The following COL1A1 variants were observed in gnomAD, a reference collection of about 807,000 sequenced individuals.
COL1A1 encodes the protein collagen type I alpha 1 chain.
In COL1A1, 21 loss-of-function variants were observed where a neutral mutation model predicts 195.7. That is an observed-to-expected ratio of 0.11 (90% CI 0.08 to 0.15). COL1A1 has a LOEUF of 0.15. Among genes scored for constraint, COL1A1 ranks in the 10% least tolerant of loss-of-function variants. COL1A1 has a pLI of 1.00. For missense variants in COL1A1, 1,365 were observed against 2,051.0 expected (o/e 0.67, Z 6.46); for synonymous variants, 749 against 747.3 (o/e 1.00, Z -0.04).
Position 50,192,812 on chromosome 17 carries a change from T to C in COL1A1, c.1860A>G (p.Gly620=), listed in dbSNP as rs1907212512. 3 of 1,613,528 alleles carry C rather than the reference T, an allele frequency of 1.9e-6. No individual in the cohort carries two copies. The highest frequency in any genetic ancestry group is 1.3e-5 in the African/African-American group (1 of 74,716). ...AGKDGEAGAQ[G]PPGPAGPAGE... Reference sequence around the variant, plus strand: ...GGACACTCACAGCAGGGCCAGGGGGTCCCTGAGCTCCAGCCTCTCCATCTT... The same window carrying C: ...GGACACTCACAGCAGGGCCAGGGGGCCCCTGAGCTCCAGCCTCTCCATCTT... Residue 620 remains glycine (G), a synonymous_variant, in exon 27 of 51, where the codon GGA becomes GGG. Coordinates refer to ENST00000225964, the MANE Select transcript of COL1A1 (RefSeq NM_000088.4).
chr17:50,200,333 G>A (rs1567765381), intron 1 of COL1A1: 1 of 359,952 alleles, frequency 2.8e-6, no homozygotes, highest in African/African-American at 2.1e-5. Context: ...TTGCGTGGTA[G>A]AGACAGGAGG....
At position 50,185,142 on chromosome 17, in the gene COL1A1, C is replaced by T; in HGVS notation, c.*360G>A. On this transcript the variant is annotated 3_prime_UTR_variant, in exon 51 of 51. Coordinates refer to ENST00000225964, the MANE Select transcript of COL1A1 (RefSeq NM_000088.4). Reference sequence around the variant, plus strand: ...CCCAAGGGGGGTGTGGAGAAAGGAGCAGAAAGGGCAGCATTGGGGTTTCAT... The same window carrying T: ...CCCAAGGGGGGTGTGGAGAAAGGAGTAGAAAGGGCAGCATTGGGGTTTCAT... 3 of 314,510 alleles carry T rather than the reference C, an allele frequency of 9.5e-6. No homozygotes were observed. The highest frequency in any genetic ancestry group is 1.8e-5 in the Non-Finnish European group (3 of 168,394). 19.5% of individuals were successfully genotyped at this position (314,510 alleles called of 1,614,324 possible).
rs1907600970 is a variant in COL1A1, at chr17:50,196,475, C to T, written c.903+9G>A. ...CCCATCCCTGCCCTCTGGAACTGGGCACACTCACCATCTGACCAGGAGCTC... is the reference window on the plus strand; with the variant it reads ...CCCATCCCTGCCCTCTGGAACTGGGTACACTCACCATCTGACCAGGAGCTC... On this transcript the variant is annotated intron_variant, in intron 13 of 50. Transcript: ENST00000225964. 3.1e-6 allele frequency: 5 copies of T among 1,614,088 alleles called. No individual in the cohort carries two copies. The African/African-American group carries it at 5.3e-5, about 17-fold the overall frequency.
rs2249492 is a variant in COL1A1 at position 50,185,660 on chromosome 17, C to T, written c.4249-12G>A. 962,395 of 1,612,456 alleles carry T rather than the reference C, an allele frequency of 0.6. 292,438 individuals are homozygous for T. The highest frequency in any genetic ancestry group is 0.67 in the Admixed American group (39,876 of 59,948). On this transcript the variant is annotated splice_polypyrimidine_tract_variant and intron_variant, in intron 50 of 50. Transcript: ENST00000225964. ...GCTCCGGTGTGACTCTGGGGTGGGGCGGAGACAACGGGAGGGGGCATTACC... is the reference window on the plus strand; with the variant it reads ...GCTCCGGTGTGACTCTGGGGTGGGGTGGAGACAACGGGAGGGGGCATTACC...
rs940298764 is a variant in COL1A1, at chr17:50,189,003, G to A, written c.2945C>T (p.Pro982Leu). 3.7e-6 allele frequency: 6 copies of A among 1,612,870 alleles called. No individual in the cohort carries two copies. The African/African-American group carries it at 8.0e-5, about 22-fold the overall frequency. The change falls in exon 41 of 51, where the codon CCT becomes CTT. Residue 982 changes from proline (P) to leucine (L), a missense_variant. Physicochemically the swap from Pro to Leu is moderately conservative, Grantham distance 98 (BLOSUM62 -3). Coordinates refer to ENST00000225964, the MANE Select transcript of COL1A1 (RefSeq NM_000088.4). This position sits in a 1 kb window ranked among gnomAD's most constrained non-coding sequence, Gnocchi z 5.5. ...TGCTCCAGAGGGACCTTGTTTGCCA[G>A]GTTCACCCTAAGGGAGAAGAAAGAG... is the stretch of plus-strand genomic sequence containing the variant. ...FPGLPGPSGE[P>L]GKQGPSGASG...
At chr17:50,201,025 C>T (rs1041794287) in intron 1 of COL1A1, among the ~76,000 whole-genome samples, 1 of 152,258 alleles carries the variant, frequency 6.6e-6, no homozygotes, top group Non-Finnish European at 1.5e-5. Flanking sequence ...GGCAATCTTT[C>T]CTTATGAATC....
At chr17:50,199,027 GA>G (rs906186472) in intron 5 of COL1A1, among the ~76,000 whole-genome samples, 198 bp downstream of exon 5, 12 of 150,874 alleles carry the variant, frequency 8.0e-5, no homozygotes, top group African/African-American at 2.4e-4. Flanking sequence ...AAACAGTTCA[GA>G]AAAAAAAAGA....
At position 50,193,351 on chromosome 17, in the gene COL1A1, G is replaced by T. The variant is rs190512816; in HGVS notation, c.1768-304C>A. ...CTCAAAGAATCCACCAAGACTGGGG[G>T]TGCCTATCATATCAAAGGCCTGTCC... On this transcript the variant is annotated intron_variant, in intron 25 of 50. Transcript: ENST00000225964. 2.4e-4 allele frequency: 121 copies of T among 510,340 alleles called. 1 individual carries two copies. The highest frequency in any genetic ancestry group is 2.0e-3 in the African/African-American group (104 of 52,280). 31.6% of individuals were successfully genotyped at this position (510,340 alleles called of 1,614,324 possible).
Position 50,190,452 on chromosome 17 carries a change from G to A in COL1A1, c.2398-72C>T. ...AGGCGGGGATGCGGTGAGGGGAGAG[G>A]CAAGGGGTGAAGGCACAGACAGGGC... On this transcript the variant is annotated intron_variant, in intron 34 of 50. Transcript: ENST00000225964. This position sits in a 1 kb window ranked among gnomAD's most constrained non-coding sequence, Gnocchi z 4.7. The A allele has an allele frequency of 1.3e-6, 2 of 1,578,120 alleles. No homozygotes were observed. Among genetic ancestry groups the A allele is most frequent in the East Asian group, 4.5e-5 (2 of 44,674 alleles).
Position 50,190,639 on chromosome 17 carries a change from G to T in COL1A1, c.2344-43C>A. 6.2e-7 allele frequency: 1 copy of T among 1,603,878 alleles called. No individual in the cohort carries two copies. Among genetic ancestry groups the T allele is most frequent in the South Asian group, 1.1e-5 (1 of 90,602 alleles). ...GAGGCTCAGGGTCAGGGCCTCCCCT[G>T]AATACTCCTAGTAGATGACCCCAGG... On this transcript the variant is annotated intron_variant, in intron 33 of 50. Transcript: ENST00000225964. The surrounding 1 kb of genome is among the most constrained non-coding windows in gnomAD (Gnocchi z 4.7).
In COL1A1 at chr17:50,186,109, C is replaced by T. The variant is rs1366729057; in HGVS notation, c.4006-89G>A. ...CTCCCTGTCCAGGGTCCTCAGAGAG[C>T]TGCCCAATGCACCGTTATATCGAGA... On this transcript the variant is annotated intron_variant, in intron 49 of 50. Transcript: ENST00000225964. The surrounding 1 kb of genome is among the most constrained non-coding windows in gnomAD (Gnocchi z 5.3). 1.3e-6 allele frequency: 2 copies of T among 1,580,228 alleles called. No homozygotes were observed. The highest frequency in any genetic ancestry group is 1.7e-6 in the Non-Finnish European group (2 of 1,166,178).
rs1358785186 is a variant in COL1A1, at chr17:50,192,481, A to G, written c.1977T>C (p.Gly659=). The G allele has an allele frequency of 6.2e-7, 1 of 1,611,646 alleles. No homozygotes were observed. The highest frequency in any genetic ancestry group is 2.2e-5 in the East Asian group (1 of 44,746). The change falls in exon 29 of 51, where the codon GGT becomes GGC. Residue 659 remains glycine, a synonymous_variant. Coordinates refer to ENST00000225964, the MANE Select transcript of COL1A1 (RefSeq NM_000088.4). ...GCCGGCTGCTCCCTCTTACCTGTTC[A>G]CCAGGTTTGCCTGCTTCACCTGGAG... ...AGPPGEAGKP[G]EQGVPGDLGA...
At position 50,185,790 on chromosome 17, in the gene COL1A1, G is replaced by A. The variant is rs532172482; in HGVS notation, c.4236C>T (p.Val1412=). ...TCTGGGCACTCACCGTGCAGCCATC[G>A]ACAGTGACGCTGTAGGTGAAGCGGC... The part of the protein sequence containing the change: ...GNSRFTYSVT[V]DGCTSHTGAW... Residue 1412 remains valine, a synonymous_variant, in exon 50 of 51, where the codon GTC becomes GTT. Coordinates refer to ENST00000225964, the MANE Select transcript of COL1A1 (RefSeq NM_000088.4). The A allele has an allele frequency of 1.4e-5, 22 of 1,613,784 alleles. No homozygotes were observed. The highest frequency in any genetic ancestry group is 3.3e-5 in the Admixed American group (2 of 60,022).
intron 28 of COL1A1, 32 bp from the exon 29 acceptor site, chr17:50,192,560 G>A (rs750742853): frequency 3.7e-6 from 6 of 1,614,108 alleles, no homozygotes; most frequent in East Asian, 2.2e-5. Context: ...AGAAGGGAGG[G>A]AAGGTTTAGA....
intron 2 of COL1A1, 23 bp downstream of exon 2, chr17:50,199,730 C>T (rs1907915819): frequency 1.0e-6 from 1 of 963,188 alleles, no homozygotes; most frequent in African/African-American, 1.5e-5. Flanking sequence ...GCCCCAGGCC[C>T]CAGGCCCCGA....
rs1275760430 is a variant in COL1A1, at chr17:50,192,777, T to C, written c.1875+20A>G. 1 of 1,613,828 alleles carries C rather than the reference T, an allele frequency of 6.2e-7. No homozygotes were observed. Among genetic ancestry groups the C allele is most frequent in the Non-Finnish European group, 8.5e-7 (1 of 1,179,956 alleles). On this transcript the variant is annotated intron_variant, in intron 27 of 50. Transcript: ENST00000225964. The stretch of plus-strand genomic sequence containing the variant: ...TCTCCCCTTTTCTGCTCCCCAGATC[T>C]CCCCATCAGGGACACTCACAGCAGG...
rs1037311790 is a variant in COL1A1, at chr17:50,190,704, T to C, written c.2344-108A>G. Reference sequence around the variant, plus strand: ...TTCTGGTCCCTCCAGGTTCCCAGGTTGACAGCTCAGTTTGGCAGGACCTGC... The same window carrying C: ...TTCTGGTCCCTCCAGGTTCCCAGGTCGACAGCTCAGTTTGGCAGGACCTGC... On this transcript the variant is annotated intron_variant, in intron 33 of 50. Coordinates refer to ENST00000225964, the MANE Select transcript of COL1A1 (RefSeq NM_000088.4). This position sits in a 1 kb window ranked among gnomAD's most constrained non-coding sequence, Gnocchi z 4.7. 1.3e-6 allele frequency: 2 copies of C among 1,502,472 alleles called. No homozygotes were observed. The highest frequency in any genetic ancestry group is 1.8e-6 in the Non-Finnish European group (2 of 1,084,214). The allele number at this position is 1,502,472 out of a possible 1,614,324, so 93.1% of individuals were successfully genotyped here. A position where few individuals can be genotyped will look rare whatever the true frequency, so the allele number is the denominator to read the frequency against.
Position 50,197,932 on chromosome 17 carries a change from G to T in COL1A1, c.642+17C>A. Reference sequence around the variant, plus strand: ...GTGTTTGTAGAAGGAGTATGAATCTGTATAGAGAGTGCTTACTGAAGCTCC... The same window carrying T: ...GTGTTTGTAGAAGGAGTATGAATCTTTATAGAGAGTGCTTACTGAAGCTCC... On this transcript the variant is annotated intron_variant, in intron 8 of 50. Coordinates refer to ENST00000225964, the MANE Select transcript of COL1A1 (RefSeq NM_000088.4). 6.2e-7 allele frequency: 1 copy of T among 1,613,538 alleles called. No homozygotes were observed. Among genetic ancestry groups the T allele is most frequent in the African/African-American group, 1.3e-5 (1 of 75,002 alleles).
rs747485519 is a variant in COL1A1, at chr17:50,186,623, C to A, written c.3814+17G>T. 6.2e-6 allele frequency: 10 copies of A among 1,613,200 alleles called. No individual in the cohort carries two copies. The highest frequency in any genetic ancestry group is 2.7e-5 in the African/African-American group (2 of 74,852). On this transcript the variant is annotated intron_variant, in intron 48 of 50. Transcript: ENST00000225964. The surrounding 1 kb of genome is among the most constrained non-coding windows in gnomAD (Gnocchi z 5.3). The stretch of plus-strand genomic sequence containing the variant: ...GGCAGGAGTAGGAGGGAGGGAGAGG[C>A]TAGGGCAGGCCCTCACCACTCTTCC...
Sources: gnomAD v4.1 joint callset for allele counts (sites outside exome capture counted in the v4.1 genomes callset) on GRCh38, gnomAD v4.1.1 for gene constraint, Gnocchi (gnomAD v3.1) non-coding constraint, MANE v1.5 for transcripts, NCBI Gene and HGNC (gene_info 2026-07-23, HGNC 2026-07-21) for gene names.